Variants in FYB2 observed in about 807,000 individuals in gnomAD.
FYB2 encodes the protein FYN-binding protein 2.
Under a neutral mutation model 94.1 loss-of-function variants are expected in FYB2, and 103 were observed. The observed-to-expected ratio is 1.09, with a 90% CI of 0.93 to 1.29. The LOEUF (loss-of-function observed/expected upper bound fraction) is 1.29, where lower values mean the gene tolerates loss of function less well. Ranked by LOEUF, FYB2 falls within the 50% of genes most tolerant of loss-of-function variation. The probability of loss-of-function intolerance (pLI) is 0.00; values close to 1 mark genes in which losing one functional copy is unlikely to be tolerated. For missense variants in FYB2, 896 were observed against 841.5 expected (o/e 1.06, Z -0.80); for synonymous variants, 293 against 287.9 (o/e 1.02, Z -0.18).
chr1:56,771,026 GTA>G (rs1351438721), intron 4 of FYB2, among the ~76,000 whole-genome samples: 4 of 152,138 alleles, frequency 2.6e-5, no homozygotes, highest in Non-Finnish European at 5.9e-5. Context: ...TGCTTTGAGA[GTA>G]TGAATTGTCA....
intron 1 of FYB2, among the ~76,000 whole-genome samples, chr1:56,803,581 G>A (rs763004713): frequency 6.6e-6 from 1 of 152,152 alleles, no homozygotes; most frequent in Non-Finnish European, 1.5e-5. Flanking sequence ...GCAGGGATCT[G>A]ATGGCTCTAA....
chr1:56,819,210 C>T, intron 1 of FYB2, 72 bp downstream of exon 1: 1 of 1,608,732 alleles, frequency 6.2e-7, no homozygotes, highest in South Asian at 1.1e-5. Flanking sequence ...CCCCAGGGCT[C>T]TCAAGTGGGA....
intron 15 of FYB2, among the ~76,000 whole-genome samples, chr1:56,736,403 G>A (rs995496120): frequency 1.3e-5 from 2 of 149,370 alleles, no homozygotes; most frequent in South Asian, 4.2e-4. Flanking sequence ...ACTGGAGAGG[G>A]AGCATCAAAC....
At chr1:56,771,073 T>C (rs1645743169) in intron 4 of FYB2, among the ~76,000 whole-genome samples, 1 of 152,198 alleles carries the variant, frequency 6.6e-6, no homozygotes, top group South Asian at 2.1e-4. Context: ...CAATATCTAG[T>C]AACACTGAAG....
In FYB2 at chr1:56,789,053, G is replaced by A. The variant is rs41313256; in HGVS notation, c.839C>T (p.Pro280Leu). 3 of 1,614,006 alleles carry A rather than the reference G, an allele frequency of 1.9e-6. No homozygotes were observed. Among genetic ancestry groups the A allele is most frequent in the African/African-American group, 1.3e-5 (1 of 75,034 alleles). The change falls in exon 3 of 20, where the codon CCA becomes CTA. Residue 280 changes from proline (P) to leucine (L), a missense_variant. Physicochemically the swap from Pro to Leu is moderately conservative, Grantham distance 98. Coordinates refer to ENST00000343433, the MANE Select transcript of FYB2 (RefSeq NM_001004303.5). The part of the protein sequence containing the change: ...PSIDSLGPPP[P>L]KPSRPPIVNL... The stretch of plus-strand genomic sequence containing the variant: ...CACGATGGGAGGTCTTGAAGGCTTT[G>A]GGGGAGGAGGACCCAGGGAGTCGAT...
chr1:56,812,063 T>G (rs143122628), intron 1 of FYB2, among the ~76,000 whole-genome samples: 2 of 152,292 alleles, frequency 1.3e-5, no homozygotes, highest in African/African-American at 4.8e-5. Flanking sequence ...CTGCTACAAA[T>G]TTTGGATTGG....
Position 56,775,592 on chromosome 1 carries a change from G to C in FYB2, c.954-7654C>G, listed in dbSNP as rs111708387. Among the ~76,000 whole-genome samples, 566 of 152,268 alleles carry C rather than the reference G, an allele frequency of 3.7e-3. 5 individuals are homozygous for C. Among genetic ancestry groups the C allele is most frequent in the African/African-American group, 0.012 (486 of 41,556 alleles). On this transcript the variant is annotated intron_variant, in intron 4 of 19. Coordinates refer to ENST00000343433, the MANE Select transcript of FYB2 (RefSeq NM_001004303.5). ...TCAGATGAAGAAACTGAAGCATGAT[G>C]CAAGCTCACAGAGTAGTTAGCAGCA...
At chr1:56,726,645 C>T in intron 15 of FYB2, 62 bp from the exon 16 acceptor site, 3 of 1,341,808 alleles carry the variant, frequency 2.2e-6, no homozygotes, top group Non-Finnish European at 3.1e-6. Context: ...ATGGAACCAT[C>T]AACACTTCAT....
At chr1:56,822,094 T>A (rs538054102), upstream of FYB2, among the ~76,000 whole-genome samples, 40 of 152,322 alleles carry the variant, frequency 2.6e-4, no homozygotes, top group African/African-American at 9.6e-4. Flanking sequence ...AAGAAATGAC[T>A]GACTGAGCAC....
At chr1:56,814,219 G>A (rs1203635616) in intron 1 of FYB2, among the ~76,000 whole-genome samples, 3 of 152,318 alleles carry the variant, frequency 2.0e-5, no homozygotes, top group South Asian at 2.1e-4. Flanking sequence ...GAGGAGGCTC[G>A]AGTTAGAGTA....
intron 6 of FYB2, among the ~76,000 whole-genome samples, chr1:56,756,949 C>T (rs1468218684): frequency 6.6e-6 from 1 of 152,068 alleles, no homozygotes; most frequent in Non-Finnish European, 1.5e-5. Flanking sequence ...ACTAGTTCTT[C>T]TGCAAAGGCT....
At position 56,817,621 on chromosome 1, in the gene FYB2, G is replaced by A. The variant is rs540805979; in HGVS notation, c.9+1661C>T. The stretch of plus-strand genomic sequence containing the variant: ...AGCAGGACCTGACCACACAAACCAT[G>A]TCCTCAATAAATATATATTGAATAA... On this transcript the variant is annotated intron_variant, in intron 1 of 19. Transcript: ENST00000343433. 6.2e-4 allele frequency among the ~76,000 whole-genome samples: 94 copies of A among 152,180 alleles called. 1 individual carries two copies. Among genetic ancestry groups the A allele is most frequent in the African/African-American group, 2.1e-3 (87 of 41,520 alleles).
At chr1:56,732,480 T>C (rs1421560496) in intron 15 of FYB2, among the ~76,000 whole-genome samples, 2 of 152,050 alleles carry the variant, frequency 1.3e-5, no homozygotes, top group Non-Finnish European at 2.9e-5. Context: ...GAAAACACAA[T>C]CTTAGAATTT....
intron 4 of FYB2, among the ~76,000 whole-genome samples, chr1:56,775,381 C>T (rs1350488370): frequency 2.0e-5 from 3 of 152,066 alleles, no homozygotes; most frequent in African/African-American, 7.2e-5. Context: ...CAAAATATGC[C>T]GTCCACTCTG....
At chr1:56,743,992 A>G in intron 11 of FYB2, 34 bp downstream of exon 11, 1 of 1,601,656 alleles carries the variant, frequency 6.2e-7, no homozygotes, top group South Asian at 1.1e-5. Context: ...TGCAATTCCT[A>G]CTGGCAACTT....
rs1646545439 is a variant in FYB2, at chr1:56,802,523, T to A, written c.10-9720A>T. 2.0e-5 allele frequency among the ~76,000 whole-genome samples: 3 copies of A among 152,192 alleles called. No individual in the cohort carries two copies. The South Asian group carries it at 6.2e-4, about 32-fold the overall frequency. ...AGAGAAAAGGGCTATCAAGACATTT[T>A]AGGCTAAAGGAACAGCATAGACACA... On this transcript the variant is annotated intron_variant, in intron 1 of 19. Transcript: ENST00000343433.
At chr1:56,741,242 C>G (rs1159554041) in intron 12 of FYB2, among the ~76,000 whole-genome samples, 1 of 151,994 alleles carries the variant, frequency 6.6e-6, no homozygotes, top group Non-Finnish European at 1.5e-5. Context: ...GTTGCACACA[C>G]CAGTCAACTA....
At chr1:56,733,341 C>T (rs557064797) in intron 15 of FYB2, among the ~76,000 whole-genome samples, 3 of 152,040 alleles carry the variant, frequency 2.0e-5, no homozygotes, top group African/African-American at 7.2e-5. Context: ...ATTAGTCTTG[C>T]TAGTGGTCTA....
At chr1:56,801,702 C>T (rs955412620) in intron 1 of FYB2, among the ~76,000 whole-genome samples, 18 of 152,308 alleles carry the variant, frequency 1.2e-4, no homozygotes, top group African/African-American at 4.3e-4. Flanking sequence ...ATGCATTAGC[C>T]TCATGGGCCT....
Sources: gnomAD v4.1 joint callset for allele counts (sites outside exome capture counted in the v4.1 genomes callset) on GRCh38, gnomAD v4.1.1 for gene constraint, MANE v1.5 for transcripts, NCBI Gene and HGNC (gene_info 2026-07-23, HGNC 2026-07-21) for gene names.